Variants in CPNE5 observed in about 807,000 individuals in gnomAD.
CPNE5 encodes the protein copine 5.
Under a neutral mutation model 81.1 loss-of-function variants are expected in CPNE5, and 42 were observed. The observed-to-expected ratio is 0.52, with a 90% confidence interval of 0.40 to 0.67. The LOEUF (loss-of-function observed/expected upper bound fraction) is 0.67, where lower values mean the gene tolerates loss of function less well. CPNE5 is among the 30% of genes least tolerant of loss of function. The probability of loss-of-function intolerance (pLI) is 0.00; values close to 1 mark genes in which losing one functional copy is unlikely to be tolerated. For synonymous variants in CPNE5, 313 were observed against 321.5 expected (o/e 0.97, Z 0.28); for missense variants, 612 against 815.5 (o/e 0.75, Z 3.04).
At chr6:36,795,892 A>AT (rs1769523934) in intron 6 of CPNE5, among the ~76,000 whole-genome samples, 1 of 152,144 alleles carries the variant, frequency 6.6e-6, no homozygotes, top group Non-Finnish European at 1.5e-5. Context: ...GAAATCTTCG[A>AT]TGGGGTAAAA....
At position 36,807,195 on chromosome 6, in the gene CPNE5, C is replaced by T. The variant is rs114099864; in HGVS notation, c.184-7125G>A. Among the ~76,000 whole-genome samples, 1,185 of 152,342 alleles carry T rather than the reference C, an allele frequency of 7.8e-3. 22 individuals carry two copies. The highest frequency in any genetic ancestry group is 0.027 in the African/African-American group (1,103 of 41,580). On this transcript the variant is annotated intron_variant, in intron 3 of 20. Coordinates refer to ENST00000244751, the MANE Select transcript of CPNE5 (RefSeq NM_020939.2). The stretch of plus-strand genomic sequence containing the variant: ...GAATCACTGGCCCTAGCTTTGAAGA[C>T]AGGTCTCAAGGTTTCCCACATAAAG...
intron 7 of CPNE5, among the ~76,000 whole-genome samples, chr6:36,793,042 C>T (rs373885871): frequency 6.6e-6 from 1 of 152,136 alleles, no homozygotes; most frequent in Non-Finnish European, 1.5e-5. Flanking sequence ...AGAGAAGGCC[C>T]GCAGTGAGCA....
chr6:36,773,655 A>T (rs1767239789), intron 10 of CPNE5, among the ~76,000 whole-genome samples: 1 of 152,172 alleles, frequency 6.6e-6, no homozygotes, highest in South Asian at 2.1e-4. Context: ...GCAGTCCTGT[A>T]GAGTAGGCAG....
intron 13 of CPNE5, 58 bp from the exon 14 acceptor site, chr6:36,753,153 A>G: frequency 7.1e-7 from 1 of 1,400,054 alleles, no homozygotes; most frequent in South Asian, 1.2e-5. Context: ...GAGATGGGTT[A>G]TGATTCGAGA....
At chr6:36,787,507 T>C (rs1768671107) in intron 8 of CPNE5, among the ~76,000 whole-genome samples, 1 of 152,104 alleles carries the variant, frequency 6.6e-6, no homozygotes, top group Non-Finnish European at 1.5e-5. Context: ...ATCTACACAT[T>C]TTCCTTCGGG....
intron 1 of CPNE5, among the ~76,000 whole-genome samples, chr6:36,836,332 C>G (rs1773499321): frequency 6.6e-6 from 1 of 152,170 alleles, no homozygotes; most frequent in African/African-American, 2.4e-5. Context: ...AGGATGGGCA[C>G]AGCAGGTGCA....
intron 3 of CPNE5, among the ~76,000 whole-genome samples, chr6:36,806,399 G>A (rs1770594748): frequency 6.6e-6 from 1 of 152,080 alleles, no homozygotes; most frequent in African/African-American, 2.4e-5. Flanking sequence ...CCATGGTTCT[G>A]GGAGAGGCTG....
chr6:36,817,197 T>C (rs1771618749), intron 3 of CPNE5, among the ~76,000 whole-genome samples: 1 of 152,072 alleles, frequency 6.6e-6, no homozygotes, highest in Non-Finnish European at 1.5e-5. Flanking sequence ...TGGTGGTGCA[T>C]GCCTGTAATC....
intron 3 of CPNE5, 104 bp from the exon 4 acceptor site, chr6:36,800,174 C>A: frequency 1.4e-6 from 1 of 713,062 alleles, no homozygotes. Context: ...CTGGTTCTGG[C>A]AGTTATGAAA....
chr6:36,826,135 C>T (rs923487166), intron 1 of CPNE5, among the ~76,000 whole-genome samples: 3 of 152,072 alleles, frequency 2.0e-5, no homozygotes, highest in Non-Finnish European at 2.9e-5. Context: ...AGCCTAGATA[C>T]GTGTGTGTGT....
At chr6:36,779,799 G>C (rs193273899) in intron 8 of CPNE5, among the ~76,000 whole-genome samples, 23 of 152,194 alleles carry the variant, frequency 1.5e-4, no homozygotes, top group Non-Finnish European at 2.6e-4. Context: ...ACTGGGCAGA[G>C]ATGTCCCTGT....
At chr6:36,794,679 G>C (rs1769411195) in intron 6 of CPNE5, 30 bp from the exon 7 acceptor site, 1 of 1,607,372 alleles carries the variant, frequency 6.2e-7, no homozygotes, top group African/African-American at 1.3e-5. Flanking sequence ...GAGAGAGCAT[G>C]CCATGAGCTG....
At chr6:36,823,553 C>T (rs1772243265) in intron 1 of CPNE5, among the ~76,000 whole-genome samples, 1 of 152,230 alleles carries the variant, frequency 6.6e-6, no homozygotes, top group African/African-American at 2.4e-5. Flanking sequence ...ATTCGATGGT[C>T]TCATCTGTAC....
At chr6:36,833,720 G>C (rs1773165905) in intron 1 of CPNE5, among the ~76,000 whole-genome samples, 1 of 152,168 alleles carries the variant, frequency 6.6e-6, no homozygotes, top group South Asian at 2.1e-4. Context: ...AGGACTCAGA[G>C]CCTTGGATAA....
At chr6:36,800,702 T>C (rs1048660775) in intron 3 of CPNE5, among the ~76,000 whole-genome samples, 1 of 152,212 alleles carries the variant, frequency 6.6e-6, no homozygotes, top group African/African-American at 2.4e-5. Context: ...TCACAAGTCA[T>C]AGAATGTCAC....
chr6:36,787,896 A>G (rs1307578117), intron 8 of CPNE5, among the ~76,000 whole-genome samples: 1 of 152,036 alleles, frequency 6.6e-6, no homozygotes, highest in Non-Finnish European at 1.5e-5. Flanking sequence ...AAGACGTACT[A>G]TCCTGAGCCG....
intron 1 of CPNE5, among the ~76,000 whole-genome samples, chr6:36,834,059 C>G (rs543386823): frequency 2.0e-5 from 3 of 151,040 alleles, no homozygotes; most frequent in Non-Finnish European, 4.4e-5. Flanking sequence ...TATGACCTCA[C>G]CTCTACAAAA....
At chr6:36,799,105 C>T (rs1769872382) in intron 4 of CPNE5, among the ~76,000 whole-genome samples, 1 of 152,186 alleles carries the variant, frequency 6.6e-6, no homozygotes, top group South Asian at 2.1e-4. Flanking sequence ...CCTGGAGCCT[C>T]ACCTGCAACC....
intron 13 of CPNE5, 143 bp downstream of exon 13, chr6:36,756,102 C>T (rs977871539): frequency 5.5e-6 from 3 of 550,118 alleles, no homozygotes; most frequent in Non-Finnish European, 9.8e-6. Context: ...TGCCCCACCC[C>T]TCCCCACCCC....
Sources: allele counts gnomAD v4.1 joint callset (sites outside exome capture counted in the v4.1 genomes callset), GRCh38; gene constraint gnomAD v4.1.1; transcripts MANE v1.5; gene names NCBI Gene and HGNC (gene_info 2026-07-23, HGNC 2026-07-21).